Variants in UPRT observed in about 807,000 individuals in gnomAD.
UPRT encodes the protein uracil phosphoribosyltransferase homolog.
A neutral mutation model predicts 22.6 loss-of-function variants in UPRT; 5 were observed. The observed-to-expected ratio is 0.22, with a 90% confidence interval of 0.12 to 0.47. The LOEUF (loss-of-function observed/expected upper bound fraction) is 0.47, where lower values mean the gene tolerates loss of function less well. Ranked by LOEUF, UPRT falls within the 20% of genes least tolerant of loss-of-function variation. The pLI is 0.99. For missense variants in UPRT, 181 were observed against 239.9 expected (o/e 0.75, Z 1.62); for synonymous variants, 77 against 87.7 (o/e 0.88, Z 0.68).
chrX:75,156,447 G>A (rs1290581766), exon 1 of UPRT: 2 of 537,079 alleles, frequency 3.7e-6, no homozygotes, highest in African/African-American at 4.7e-5. Context: ...TTTTCCTTAG[G>A]GCCGAGCTTT....
intron 4 of UPRT, among the ~76,000 whole-genome samples, chrX:75,222,607 A>T (rs1483946313): frequency 9.0e-6 from 1 of 111,182 alleles, no homozygotes; most frequent in Non-Finnish European, 1.9e-5. Context: ...TTCTCTTCCC[A>T]TGGCCACCAC....
intron 6 of UPRT, 120 bp from the exon 7 acceptor site, chrX:75,303,285 A>G: frequency 1.9e-6 from 1 of 514,040 alleles, no homozygotes. Context: ...TTAGGTATCC[A>G]AAGATCATTG....
intron 4 of UPRT, among the ~76,000 whole-genome samples, chrX:75,262,394 G>T (rs1168973500): frequency 9.0e-6 from 1 of 111,243 alleles, no homozygotes; most frequent in Non-Finnish European, 1.9e-5. Context: ...AAAATAACCA[G>T]CTAGCATCAT....
At chrX:75,299,213 C>T (rs1266650063) in intron 4 of UPRT, among the ~76,000 whole-genome samples, 2 of 112,117 alleles carry the variant, frequency 1.8e-5, no homozygotes, top group African/African-American at 3.2e-5. Context: ...ACAACTTTTT[C>T]ACTGCTTGCA....
intron 4 of UPRT, among the ~76,000 whole-genome samples, chrX:75,172,196 C>T (rs1463869490): frequency 9.0e-6 from 1 of 111,169 alleles, no homozygotes; most frequent in Non-Finnish European, 1.9e-5. Context: ...TAGAGAAAGA[C>T]CATTAGGTGG....
chrX:75,195,248 T>G (rs1471169144), intron 4 of UPRT, among the ~76,000 whole-genome samples: 2 of 112,369 alleles, frequency 1.8e-5, no homozygotes, highest in Non-Finnish European at 3.8e-5. Context: ...GGAACTATGA[T>G]GTGGGCCTCT....
At chrX:75,302,333 G>T (rs910977302) in intron 6 of UPRT, among the ~76,000 whole-genome samples, 4 of 111,374 alleles carry the variant, frequency 3.6e-5, no homozygotes, top group Non-Finnish European at 7.5e-5. Context: ...TTTTACCTTT[G>T]GGAATAGAAA....
intron 1 of UPRT, among the ~76,000 whole-genome samples, chrX:75,288,023 G>C (rs1465372704): frequency 2.7e-5 from 3 of 111,328 alleles, no homozygotes; most frequent in Non-Finnish European, 5.7e-5. Context: ...AAATACAAAA[G>C]ATCCTCAGAG....
intron 4 of UPRT, among the ~76,000 whole-genome samples, chrX:75,223,916 C>T (rs1279074221): frequency 9.0e-6 from 1 of 111,669 alleles, no homozygotes; most frequent in African/African-American, 3.3e-5. Flanking sequence ...ATTCAGTCAT[C>T]TTGCTTTACC....
intron 1 of UPRT, among the ~76,000 whole-genome samples, chrX:75,291,987 G>T (rs758736030): frequency 9.0e-6 from 1 of 111,324 alleles, no homozygotes; most frequent in African/African-American, 3.3e-5. Context: ...AGATTTGGGC[G>T]ACTCTGATTA....
chrX:75,280,534 T>A (rs1447360426), intron 1 of UPRT, among the ~76,000 whole-genome samples: 11 of 111,880 alleles, frequency 9.8e-5, no homozygotes, highest in Admixed American at 8.5e-4. Flanking sequence ...GGGTGTCCTT[T>A]CCCCACTTCA....
At chrX:75,161,514 G>A (rs1362526374) in intron 2 of UPRT, among the ~76,000 whole-genome samples, 1 of 112,386 alleles carries the variant, frequency 8.9e-6, no homozygotes, top group Non-Finnish European at 1.9e-5. Flanking sequence ...ATTTGTAAAT[G>A]AGCTGGTTTC....
chrX:75,176,960 T>C (rs2082248843), intron 4 of UPRT, among the ~76,000 whole-genome samples: 1 of 111,540 alleles, frequency 9.0e-6, no homozygotes, highest in Non-Finnish European at 1.9e-5. Flanking sequence ...CCACCTCTTT[T>C]TCAGGGTTTG....
At chrX:75,247,586 G>A (rs1341818889) in intron 4 of UPRT, among the ~76,000 whole-genome samples, 1 of 112,481 alleles carries the variant, frequency 8.9e-6, no homozygotes, top group Non-Finnish European at 1.9e-5. Context: ...CGCCAAGCTC[G>A]AACTGGGTGG....
intron 2 of UPRT, among the ~76,000 whole-genome samples, chrX:75,296,136 T>C (rs1408140403): frequency 9.0e-6 from 1 of 111,460 alleles, no homozygotes; most frequent in East Asian, 2.8e-4. Flanking sequence ...TCATGGCCTA[T>C]CTGAGGTTGG....
chrX:75,239,083 C>G (rs1316197934), intron 4 of UPRT, among the ~76,000 whole-genome samples: 1 of 110,390 alleles, frequency 9.1e-6, no homozygotes, highest in Non-Finnish European at 1.9e-5. Flanking sequence ...CAAACCCAAA[C>G]CCAGCAGAAG....
intron 4 of UPRT, among the ~76,000 whole-genome samples, chrX:75,222,759 G>C (rs1009519209): frequency 9.0e-6 from 1 of 110,614 alleles, no homozygotes; most frequent in Admixed American, 9.6e-5. Flanking sequence ...GCCCAATGCA[G>C]GTCCAGAAAT....
chrX:75,190,731 T>G (rs759820961), intron 4 of UPRT, among the ~76,000 whole-genome samples: 2 of 112,043 alleles, frequency 1.8e-5, no homozygotes, highest in South Asian at 7.5e-4. Flanking sequence ...ATTCATTTGA[T>G]CTTCCATCGC....
chrX:75,225,323 C>CCACACAGACACA (rs1555969304), intron 4 of UPRT, among the ~76,000 whole-genome samples: 2 of 82,044 alleles, frequency 2.4e-5, no homozygotes, highest in Admixed American at 1.5e-4. Context: ...AAACCAAAAA[C>CCACACAGACACA]CACACACACA....
Sources: gnomAD v4.1 joint callset for allele counts (sites outside exome capture counted in the v4.1 genomes callset) on GRCh38, gnomAD v4.1.1 for gene constraint, MANE v1.5 for transcripts, NCBI Gene and HGNC (gene_info 2026-07-23, HGNC 2026-07-21) for gene names.